STX4: variants seen among roughly 807,000 people sequenced by gnomAD.
The protein encoded by STX4 is syntaxin 4.
In STX4, 24 loss-of-function variants were observed where a neutral mutation model predicts 41.8. The ratio of observed to expected loss-of-function variants is 0.57; its 90% confidence interval spans 0.42 to 0.81. The LOEUF is 0.81. Ranked by LOEUF, STX4 falls within the 30% of genes least tolerant of loss-of-function variation. The pLI is 0.00. For synonymous variants in STX4, 158 were observed against 156.4 expected (o/e 1.01, Z -0.08); for missense variants, 316 against 389.9 (o/e 0.81, Z 1.60).
At chr16:31,033,456 T>G, upstream of STX4, 1 of 1,547,522 alleles carries the variant, frequency 6.5e-7, no homozygotes, top group South Asian at 1.2e-5. This position sits in a 1 kb window ranked among gnomAD's most constrained non-coding sequence, Gnocchi z 5.5. Context: ...CATCTCCGCT[T>G]CCGCTCGGGG....
rs963496139 is a variant in STX4 at position 31,039,986 on chromosome 16, C to T, written c.*90C>T. The T allele has an allele frequency of 2.6e-5, 17 of 655,086 alleles. No individual in the cohort carries two copies. Among genetic ancestry groups the T allele is most frequent in the Admixed American group, 2.0e-4 (7 of 35,392 alleles). The allele number at this position is 655,086 out of a possible 1,614,324, so 40.6% of individuals were successfully genotyped here. Reference sequence around the variant, plus strand: ...TGGGGGGCAGGGCAGAGCCTCCAGTCGGACCCCTTCCTCACACTGGCCCCT... The same window carrying T: ...TGGGGGGCAGGGCAGAGCCTCCAGTTGGACCCCTTCCTCACACTGGCCCCT... On this transcript the variant is annotated 3_prime_UTR_variant, in exon 11 of 11. Transcript: ENST00000313843. This position sits in a 1 kb window ranked among gnomAD's most constrained non-coding sequence, Gnocchi z 4.1.
Position 31,038,667 on chromosome 16 carries a change from C to T in STX4, c.702+20C>T, listed in dbSNP as rs372176278. On this transcript the variant is annotated intron_variant, in intron 8 of 10. Coordinates refer to ENST00000313843, the MANE Select transcript of STX4 (RefSeq NM_004604.5). ...ATGCAGGTGGGTGCCCCGCGCAGCCCCAGACGTGAGACCAGGCTCAGTCCA... is the reference window on the plus strand; with the variant it reads ...ATGCAGGTGGGTGCCCCGCGCAGCCTCAGACGTGAGACCAGGCTCAGTCCA... The T allele has an allele frequency of 6.2e-7, 1 of 1,612,070 alleles. No individual in the cohort carries two copies. Among genetic ancestry groups the T allele is most frequent in the Non-Finnish European group, 8.5e-7 (1 of 1,179,160 alleles).
At position 31,033,863 on chromosome 16, in the gene STX4, G is replaced by C. The variant is rs1420390825; in HGVS notation, c.30+28G>C. 2.8e-6 allele frequency: 4 copies of C among 1,453,520 alleles called. No individual in the cohort carries two copies. Among genetic ancestry groups the C allele is most frequent in the Admixed American group, 5.8e-5 (2 of 34,676 alleles). 90.0% of individuals were successfully genotyped at this position (1,453,520 alleles called of 1,614,324 possible). ...GAGACGCCAGGGCAGCGGGGATGGG[G>C]ACGGGCGGACGAACTGGAACGCAGG... is the stretch of plus-strand genomic sequence containing the variant. On this transcript the variant is annotated intron_variant, in intron 1 of 10. Transcript: ENST00000313843. The surrounding 1 kb of genome is among the most constrained non-coding windows in gnomAD (Gnocchi z 5.5).
intron 7 of STX4, 66 bp downstream of exon 7, chr16:31,038,256 C>T (rs921213963): frequency 5.7e-6 from 9 of 1,589,566 alleles, no homozygotes; most frequent in Admixed American, 1.7e-5. Flanking sequence ...GTCCGTTTCT[C>T]GACCTCCTGG....
intron 7 of STX4, 38 bp downstream of exon 7, chr16:31,038,228 C>T (rs2056818112): frequency 6.2e-7 from 1 of 1,610,928 alleles, no homozygotes. Context: ...GCTGTGCCTC[C>T]CATCCCCTCT....
chr16:31,038,521 C>G lies in STX4; in HGVS notation c.576C>G (p.Asp192Glu). 6.2e-7 allele frequency: 1 copy of G among 1,614,142 alleles called. No individual in the cohort carries two copies. Among genetic ancestry groups the G allele is most frequent in the Non-Finnish European group, 8.5e-7 (1 of 1,180,024 alleles). ...TGTCCACCCCCCAGATCCTGAAGGA[C>G]ACGCAGGTGACTCGACAGGCCTTAA... The part of the protein sequence containing the change: ...SEVFVSNILK[D>E]TQVTRQALNE... Residue 192 changes from aspartate (D) to glutamate (E), a missense_variant, in exon 8 of 11, where the codon GAC (aspartate) becomes GAG (glutamate). Physicochemically the swap from Asp to Glu is conservative, Grantham distance 45 (BLOSUM62 2). Coordinates refer to ENST00000313843, the MANE Select transcript of STX4 (RefSeq NM_004604.5).
intron 4 of STX4, 146 bp downstream of exon 4, chr16:31,034,682 G>A: frequency 1.1e-6 from 1 of 943,444 alleles, no homozygotes; most frequent in Non-Finnish European, 1.5e-6. Flanking sequence ...CTGGCCTCCA[G>A]GCCATTGTAC....
chr16:31,039,425 T>G lies in STX4; in HGVS notation c.703-116T>G. ...TCTGAACTTTTGTCAGATCAAGTCTTGCCCTTGTCTTTGTTAGTGCAATTT... is the reference window on the plus strand; with the variant it reads ...TCTGAACTTTTGTCAGATCAAGTCTGGCCCTTGTCTTTGTTAGTGCAATTT... On this transcript the variant is annotated intron_variant, in intron 8 of 10. Transcript: ENST00000313843. The surrounding 1 kb of genome is among the most constrained non-coding windows in gnomAD (Gnocchi z 4.1). 3.0e-6 allele frequency: 3 copies of G among 1,007,918 alleles called. No homozygotes were observed. The highest frequency in any genetic ancestry group is 4.4e-6 in the Non-Finnish European group (3 of 677,538). The allele number at this position is 1,007,918 out of a possible 1,614,324, so 62.4% of individuals were successfully genotyped here.
At chr16:31,037,872 C>T in intron 5 of STX4, 54 bp from the exon 6 acceptor site, 1 of 1,599,156 alleles carries the variant, frequency 6.3e-7, no homozygotes, top group Non-Finnish European at 8.6e-7. Flanking sequence ...TGCCGAGGCA[C>T]CGACCGGGCA....
In STX4 at chr16:31,034,127, G is replaced by A. The variant is rs1197652516; in HGVS notation, c.132+13G>A. The A allele has an allele frequency of 6.2e-7, 1 of 1,608,496 alleles. No homozygotes were observed. The highest frequency in any genetic ancestry group is 2.2e-5 in the East Asian group (1 of 44,778). On this transcript the variant is annotated intron_variant, in intron 2 of 10. Transcript: ENST00000313843. Reference sequence around the variant, plus strand: ...GTTCTTCCACAAGGTAAGGGGCTGGGGTCTCCGCCTGGATTCGCGAGGGTG... The same window carrying A: ...GTTCTTCCACAAGGTAAGGGGCTGGAGTCTCCGCCTGGATTCGCGAGGGTG...
intron 5 of STX4, 28 bp from the exon 6 acceptor site, chr16:31,037,898 G>A (rs765779850): frequency 1.2e-6 from 2 of 1,612,556 alleles, no homozygotes; most frequent in Non-Finnish European, 8.5e-7. Flanking sequence ...CCTCCCAGGG[G>A]CACTCAGCCT....
At chr16:31,038,227 C>T (rs1477197215) in intron 7 of STX4, 37 bp downstream of exon 7, 2 of 1,611,112 alleles carry the variant, frequency 1.2e-6, no homozygotes, top group Non-Finnish European at 1.7e-6. Context: ...TGCTGTGCCT[C>T]CCATCCCCTC....
chr16:31,039,624 C>T lies in STX4; in HGVS notation c.786C>T (p.Ala262=), dbSNP rs145848804. Residue 262 remains alanine, a synonymous_variant, in exon 9 of 11, where the codon GCC becomes GCT. Coordinates refer to ENST00000313843, the MANE Select transcript of STX4 (RefSeq NM_004604.5). This position sits in a 1 kb window ranked among gnomAD's most constrained non-coding sequence, Gnocchi z 4.1. The part of the protein sequence containing the change: ...VERGQEHVKT[A]LENQKKARKK... ...GTGGGCAGGAGCACGTCAAGACGGCCCTGGAGAACCAGAAGAAGGCGAGGA... is the reference window on the plus strand; with the variant it reads ...GTGGGCAGGAGCACGTCAAGACGGCTCTGGAGAACCAGAAGAAGGCGAGGA... 1.5e-4 allele frequency: 235 copies of T among 1,613,992 alleles called. No homozygotes were observed. Among genetic ancestry groups the T allele is most frequent in the Non-Finnish European group, 1.8e-4 (217 of 1,180,024 alleles).
upstream of STX4, chr16:31,033,422 C>T (rs1451637721): frequency 1.4e-6 from 2 of 1,447,224 alleles, no homozygotes; most frequent in Admixed American, 2.0e-5. This position sits in a 1 kb window ranked among gnomAD's most constrained non-coding sequence, Gnocchi z 5.5. Flanking sequence ...GTTCCGGTGA[C>T]GGTAGCAAGT....
Position 31,038,672 on chromosome 16 carries a change from C to T in STX4, c.702+25C>T, listed in dbSNP as rs368368145. On this transcript the variant is annotated intron_variant, in intron 8 of 10. Transcript: ENST00000313843. ...GGTGGGTGCCCCGCGCAGCCCCAGA[C>T]GTGAGACCAGGCTCAGTCCAAACTG... 1.2e-3 allele frequency: 1,962 copies of T among 1,612,092 alleles called. 3 individuals are homozygous for T. The highest frequency in any genetic ancestry group is 1.5e-3 in the Non-Finnish European group (1,749 of 1,178,928).
chr16:31,039,562 G>T lies in STX4; in HGVS notation c.724G>T (p.Glu242Ter). The change falls in exon 9 of 11, where the codon GAG becomes TAG. Residue 242 changes from glutamate to a stop codon, truncating the protein, a stop_gained. Coordinates refer to ENST00000313843, the MANE Select transcript of STX4 (RefSeq NM_004604.5). LOFTEE classifies it high-confidence loss of function. This position sits in a 1 kb window ranked among gnomAD's most constrained non-coding sequence, Gnocchi z 4.1. ...GCAGGGGGAGATGATCAATCGGATT[G>T]AGAAGAACATCCTGAGCTCAGCGGA... The part of the protein sequence containing the change: ...EMQGEMINRI[E>*]KNILSSADYV... The T allele has an allele frequency of 6.2e-7, 1 of 1,614,078 alleles. No homozygotes were observed. The highest frequency in any genetic ancestry group is 1.1e-5 in the South Asian group (1 of 91,064).
chr16:31,039,542 G>A lies in STX4; in HGVS notation c.704G>A (p.Gly235Glu). 4 of 1,613,958 alleles carry A rather than the reference G, an allele frequency of 2.5e-6. No individual in the cohort carries two copies. The highest frequency in any genetic ancestry group is 3.4e-6 in the Non-Finnish European group (4 of 1,180,008). Residue 235 changes from glycine (G) to glutamate (E), a missense_variant and splice_region_variant, in exon 9 of 11, where the codon GGG (glycine) becomes GAG (glutamate). Transcript: ENST00000313843. This position sits in a 1 kb window ranked among gnomAD's most constrained non-coding sequence, Gnocchi z 4.1. ...TFLATEVEMQ[G>E]EMINRIEKNI... is the part of the protein sequence containing the mutation. Reference sequence around the variant, plus strand: ...TGAACCACCCCATCCTCTGAGCAGGGGGAGATGATCAATCGGATTGAGAAG... The same window carrying A: ...TGAACCACCCCATCCTCTGAGCAGGAGGAGATGATCAATCGGATTGAGAAG...
At chr16:31,033,243 G>T, upstream of STX4, 1 of 669,120 alleles carries the variant, frequency 1.5e-6, no homozygotes, top group Non-Finnish European at 2.8e-6. This position sits in a 1 kb window ranked among gnomAD's most constrained non-coding sequence, Gnocchi z 5.5. Context: ...GCCGGGACAC[G>T]TGACAGTCAC....
Position 31,039,863 on chromosome 16 carries a change from C to T in STX4, c.*15+45C>T. 6.3e-7 allele frequency: 1 copy of T among 1,577,646 alleles called. No individual in the cohort carries two copies. Among genetic ancestry groups the T allele is most frequent in the East Asian group, 2.2e-5 (1 of 44,686 alleles). ...CCCCTGGCCTGCCCCAGCCCTGGCCCCAGCCCTCCCTCCTCCCTCAGACCC... is the reference window on the plus strand; with the variant it reads ...CCCCTGGCCTGCCCCAGCCCTGGCCTCAGCCCTCCCTCCTCCCTCAGACCC... On this transcript the variant is annotated intron_variant, in intron 10 of 10. Coordinates refer to ENST00000313843, the MANE Select transcript of STX4 (RefSeq NM_004604.5). This position sits in a 1 kb window ranked among gnomAD's most constrained non-coding sequence, Gnocchi z 4.1.
Sources: allele counts gnomAD v4.1 joint callset, GRCh38; gene constraint gnomAD v4.1.1; non-coding constraint Gnocchi (gnomAD v3.1); transcripts MANE v1.5; gene names NCBI Gene and HGNC (gene_info 2026-07-23, HGNC 2026-07-21).